SH3BP4: variants seen among roughly 807,000 people sequenced by gnomAD.
SH3BP4 encodes SH3 domain-binding protein 4.
In SH3BP4, 33 loss-of-function variants were observed where a neutral mutation model predicts 65.5. The ratio of observed to expected loss-of-function variants is 0.50; its 90% CI spans 0.38 to 0.67. SH3BP4 has a LOEUF of 0.67. Ranked by LOEUF, SH3BP4 falls within the 30% of genes least tolerant of loss-of-function variation. The pLI, the probability that SH3BP4 is intolerant of heterozygous loss-of-function variation, is 0.00. For synonymous variants in SH3BP4, 552 were observed against 545.5 expected, an observed-to-expected ratio of 1.01 and a Z score of -0.17; for missense variants, 1,134 against 1,261.4, an observed-to-expected ratio of 0.90 and a Z score of 1.53.
rs188232510 is a variant in SH3BP4 at position 235,021,409 on chromosome 2, T to A, written c.-132-13462T>A. Among the ~76,000 whole-genome samples, 737 of 151,592 alleles carry A rather than the reference T, an allele frequency of 4.9e-3. 6 individuals are homozygous for A. The highest frequency in any genetic ancestry group is 0.021 in the East Asian group (106 of 5,146). On this transcript the variant is annotated intron_variant, in intron 2 of 5. Transcript: ENST00000392011. Reference sequence around the variant, plus strand: ...CATGTGGATCACTTGAGGTCAGGAGTTTGAGACCAGCCTGGCCAGCATGGT... The same window carrying A: ...CATGTGGATCACTTGAGGTCAGGAGATTGAGACCAGCCTGGCCAGCATGGT...
At chr2:234,986,812 T>A (rs1275766303) in intron 1 of SH3BP4, among the ~76,000 whole-genome samples, 1 of 150,556 alleles carries the variant, frequency 6.6e-6, no homozygotes, top group East Asian at 1.9e-4. Context: ...TGATTTTATT[T>A]TTTTTTTTTT....
At chr2:235,038,400 T>TAC (rs1695526488) in intron 3 of SH3BP4, among the ~76,000 whole-genome samples, 3 of 83,272 alleles carry the variant, frequency 3.6e-5, no homozygotes, top group Non-Finnish European at 6.8e-5. Context: ...TATATATATA[T>TAC]ATATATATAT....
At chr2:234,992,906 G>A (rs1213525280) in intron 1 of SH3BP4, among the ~76,000 whole-genome samples, 4 of 151,258 alleles carry the variant, frequency 2.6e-5, no homozygotes, top group Non-Finnish European at 5.9e-5. Flanking sequence ...GTGGCTCTGG[G>A]TCTGGAGCCC....
chr2:234,964,966 C>T (rs1185435239), intron 1 of SH3BP4, among the ~76,000 whole-genome samples: 1 of 152,172 alleles, frequency 6.6e-6, no homozygotes, highest in Non-Finnish European at 1.5e-5. Flanking sequence ...AGCCCTGGCA[C>T]TACGTGTAGC....
intron 2 of SH3BP4, among the ~76,000 whole-genome samples, chr2:235,011,847 G>A (rs1246989780): frequency 2.6e-5 from 4 of 152,194 alleles, no homozygotes; most frequent in African/African-American, 9.7e-5. Flanking sequence ...AGATGGATGG[G>A]AGCCACCCTG....
rs1695158974 is a variant in SH3BP4, at chr2:235,030,748, TC to T, written c.-132-4120del. Among the ~76,000 whole-genome samples the T allele has an allele frequency of 6.6e-6, 1 of 152,094 alleles. No homozygotes were observed. Among genetic ancestry groups the T allele is most frequent in the African/African-American group, 2.4e-5 (1 of 41,400 alleles). ...CCTGGGATGCTGGCTGCATTCTCCA[TC>T]CCGTGCCAGCCCCCTGTAGATGCAG... On this transcript the variant is annotated intron_variant, in intron 2 of 5. Coordinates refer to ENST00000392011, the MANE Select transcript of SH3BP4 (RefSeq NM_014521.3). The surrounding 1 kb of genome is among the most constrained non-coding windows in gnomAD (Gnocchi z 4.1).
At chr2:234,961,841 G>A (rs888492814) in intron 1 of SH3BP4, among the ~76,000 whole-genome samples, 3 of 110,966 alleles carry the variant, frequency 2.7e-5, no homozygotes. Flanking sequence ...TGCCAACTTT[G>A]CCCAGTTCCT....
In SH3BP4 at chr2:235,015,153, A is replaced by G. The variant is rs117348570; in HGVS notation, c.-132-19718A>G. Among the ~76,000 whole-genome samples the G allele has an allele frequency of 7.5e-4, 115 of 152,370 alleles. 2 individuals carry two copies. In the East Asian group the frequency reaches 0.02, roughly 27 times the overall value. On this transcript the variant is annotated intron_variant, in intron 2 of 5. Coordinates refer to ENST00000392011, the MANE Select transcript of SH3BP4 (RefSeq NM_014521.3). ...TAATTGATCAGTAGTTAATAAAGAAATCATACTACCCAATTTAATGAAGCA... is the reference window on the plus strand; with the variant it reads ...TAATTGATCAGTAGTTAATAAAGAAGTCATACTACCCAATTTAATGAAGCA...
At chr2:234,963,985 T>G (rs1183086397) in intron 1 of SH3BP4, among the ~76,000 whole-genome samples, 2 of 152,224 alleles carry the variant, frequency 1.3e-5, no homozygotes, top group Non-Finnish European at 2.9e-5. Flanking sequence ...GCCTTCTTTC[T>G]GGCAAGAGAG....
At chr2:235,036,195 C>A (rs1695372958) in intron 3 of SH3BP4, among the ~76,000 whole-genome samples, 2 of 152,212 alleles carry the variant, frequency 1.3e-5, no homozygotes, top group Non-Finnish European at 2.9e-5. Context: ...CTGATTGATG[C>A]TGGCATCCCT....
At chr2:234,986,639 C>T (rs1693568366) in intron 1 of SH3BP4, among the ~76,000 whole-genome samples, 1 of 152,038 alleles carries the variant, frequency 6.6e-6, no homozygotes, top group Admixed American at 6.6e-5. Flanking sequence ...CAGCTTTTCA[C>T]TTCCTGATCT....
At chr2:234,989,559 C>T (rs1374283874) in intron 1 of SH3BP4, among the ~76,000 whole-genome samples, 1 of 152,224 alleles carries the variant, frequency 6.6e-6, no homozygotes, top group Non-Finnish European at 1.5e-5. Context: ...GCTTGGCACA[C>T]TTTTCTCTGT....
In SH3BP4 at chr2:235,043,226, C is replaced by G. The variant is rs1460272465; in HGVS notation, c.2457C>G (p.Ser819=). The G allele has an allele frequency of 8.2e-6, 13 of 1,578,448 alleles. No individual in the cohort carries two copies. The highest frequency in any genetic ancestry group is 1.1e-5 in the Non-Finnish European group (13 of 1,158,264). The change falls in exon 4 of 6, where the codon TCC becomes TCG. Residue 819 remains serine (S), a synonymous_variant. Transcript: ENST00000392011. ...ACACTGAGAACAAAGAACGGAAGTCCTTCCAGAAGGAGCTTGTGATGGTGA... is the reference window on the plus strand; with the variant it reads ...ACACTGAGAACAAAGAACGGAAGTCGTTCCAGAAGGAGCTTGTGATGGTGA... ...CNNTENKERK[S]FQKELVMALL...
intron 2 of SH3BP4, among the ~76,000 whole-genome samples, chr2:235,020,177 A>G (rs1271714963): frequency 6.6e-6 from 1 of 152,166 alleles, no homozygotes; most frequent in Non-Finnish European, 1.5e-5. Flanking sequence ...TTAGTTACTG[A>G]ATTGAAAATG....
intron 2 of SH3BP4, among the ~76,000 whole-genome samples, chr2:235,025,529 GGCACCAA>G (rs1266001909): frequency 1.3e-5 from 2 of 152,218 alleles, no homozygotes; most frequent in African/African-American, 4.8e-5. Context: ...TGCCACAGAT[GGCACCAA>G]GCACCAAGCT....
chr2:234,983,017 C>G (rs1693435200), intron 1 of SH3BP4, among the ~76,000 whole-genome samples: 1 of 152,214 alleles, frequency 6.6e-6, no homozygotes, highest in African/African-American at 2.4e-5. Context: ...CTGCCGATTA[C>G]AGGTGCTTGG....
intron 1 of SH3BP4, among the ~76,000 whole-genome samples, chr2:234,955,403 C>T (rs77967333): frequency 1.3e-5 from 2 of 152,098 alleles, no homozygotes; most frequent in Non-Finnish European, 1.5e-5. Context: ...CCCCAAATAC[C>T]CAGGGAACAA....
intron 2 of SH3BP4, among the ~76,000 whole-genome samples, chr2:235,003,260 C>T (rs1694187838): frequency 6.6e-6 from 1 of 152,238 alleles, no homozygotes; most frequent in Non-Finnish European, 1.5e-5. Flanking sequence ...CTGGAACCAG[C>T]GTGACCGAGG....
chr2:234,993,174 C>G (rs1486325333), intron 1 of SH3BP4, among the ~76,000 whole-genome samples: 2 of 152,206 alleles, frequency 1.3e-5, no homozygotes, highest in African/African-American at 4.8e-5. Flanking sequence ...CTGAGATGAG[C>G]CCCGGGGGTC....
Sources: gnomAD v4.1 joint callset for allele counts (sites outside exome capture counted in the v4.1 genomes callset) on GRCh38, gnomAD v4.1.1 for gene constraint, Gnocchi (gnomAD v3.1) non-coding constraint, MANE v1.5 for transcripts, NCBI Gene and HGNC (gene_info 2026-07-23, HGNC 2026-07-21) for gene names.